The following DDX17 variants were observed in gnomAD, a reference collection of about 807,000 sequenced individuals.
DDX17 encodes DEAD-box helicase 17, also known as probable ATP-dependent RNA helicase DDX17.
In DDX17, 10 loss-of-function variants were observed where a neutral mutation model predicts 80.8. The ratio of observed to expected loss-of-function variants is 0.12; its 90% CI spans 0.08 to 0.21. DDX17 has a LOEUF of 0.21. Ranked by LOEUF, DDX17 falls within the 10% of genes least tolerant of loss-of-function variation. The pLI, the probability that DDX17 is intolerant of heterozygous loss-of-function variation, is 1.00. For missense variants in DDX17, 586 were observed against 957.4 expected (o/e 0.61, Z 5.12); for synonymous variants, 339 against 336.2 (o/e 1.01, Z -0.09).
chr22:38,485,993 C>T lies in DDX17; in HGVS notation c.2132G>A (p.Gly711Glu). The change falls in exon 13 of 13, where the codon GGG becomes GAG. Residue 711 changes from glycine (G) to glutamate (E), a missense_variant. Coordinates refer to ENST00000403230, the MANE Select transcript of DDX17 (RefSeq NM_006386.5). ...AGGAGGGTATTGGTAGGCAGTCTGC[C>T]CCATGTAACCTATCATATTGGTAGC... is the stretch of plus-strand genomic sequence containing the variant. 3 of 1,613,712 alleles carry T rather than the reference C, an allele frequency of 1.9e-6. No homozygotes were observed. Among genetic ancestry groups the T allele is most frequent in the Non-Finnish European group, 2.5e-6 (3 of 1,179,970 alleles).
chr22:38,499,529 A>C (rs773946797), intron 2 of DDX17, 30 bp from the exon 3 acceptor site: 15 of 1,511,184 alleles, frequency 9.9e-6, no homozygotes, highest in African/African-American at 1.4e-5. Context: ...GAAGTTAGTA[A>C]ACTAGTTATT....
At position 38,484,243 on chromosome 22, in the gene DDX17, AT is replaced by A. The variant is rs1388020294; in HGVS notation, c.*1691del. On this transcript the variant is annotated 3_prime_UTR_variant, in exon 13 of 13. Coordinates refer to ENST00000403230, the MANE Select transcript of DDX17 (RefSeq NM_006386.5). ...CTCCCTTGGCCTCAACTTCTGTAAG[AT>A]GGGGGGGGGACAAAAAGAGAAGTAA... 1 of 108,180 alleles carries A rather than the reference AT, an allele frequency of 9.2e-6. No individual in the cohort carries two copies. Among genetic ancestry groups the A allele is most frequent in the Non-Finnish European group, 2.0e-5 (1 of 50,296 alleles). 6.7% of individuals were successfully genotyped at this position (108,180 alleles called of 1,614,324 possible).
intron 10 of DDX17, among the ~76,000 whole-genome samples, chr22:38,492,464 C>A (rs1055468642): frequency 6.6e-6 from 1 of 152,050 alleles, no homozygotes; most frequent in Admixed American, 6.6e-5. Context: ...AATTTCCCCC[C>A]AAAAGGTATG....
rs897897846 is a variant in DDX17, at chr22:38,488,925, T to A, written c.1448-810A>T. ...GTCTACGTGACCTGGGAAATTAAAT[T>A]AATAGCCAAAGAACGTGGGAAAACC... On this transcript the variant is annotated intron_variant, in intron 11 of 12. Transcript: ENST00000403230. 3 of 985,268 alleles carry A rather than the reference T, an allele frequency of 3.0e-6. No homozygotes were observed. The African/African-American group carries it at 5.2e-5, about 17-fold the overall frequency. 61.0% of individuals were successfully genotyped at this position (985,268 alleles called of 1,614,324 possible). A position where few individuals can be genotyped will look rare whatever the true frequency, so the allele number is the denominator to read the frequency against.
intron 11 of DDX17, chr22:38,488,965 C>G (rs2089688514): frequency 1.0e-6 from 1 of 985,260 alleles, no homozygotes; most frequent in South Asian, 4.7e-5. Flanking sequence ...AACCTTGAGA[C>G]ACAAGTTTAG....
chr22:38,505,543 A>C, intron 1 of DDX17: 1 of 182,190 alleles, frequency 5.5e-6, no homozygotes. Context: ...TTCTCTCAGG[A>C]AGATCCGCGT....
Position 38,506,081 on chromosome 22 carries a change from C to G in DDX17, c.157G>C (p.Val53Leu). ...GCCTGCGGCTCCGGTCTGGTGACGA[C>G]CGATGGCGGCGGCGCCTCCGCTGTT... The change falls in exon 1 of 13, where the codon GTC becomes CTC. Residue 53 changes from valine to leucine, a missense_variant. Coordinates refer to ENST00000403230, the MANE Select transcript of DDX17 (RefSeq NM_006386.5). The G allele has an allele frequency of 6.3e-7, 1 of 1,580,256 alleles. No homozygotes were observed. The highest frequency in any genetic ancestry group is 8.6e-7 in the Non-Finnish European group (1 of 1,163,796).
rs1426605262 is a variant in DDX17 at position 38,501,427 on chromosome 22, AT to A, written c.288-148del. 5 of 1,008,494 alleles carry A rather than the reference AT, an allele frequency of 5.0e-6. No individual in the cohort carries two copies. In the East Asian group the frequency reaches 1.1e-4, roughly 23 times the overall value. 62.5% of individuals were successfully genotyped at this position (1,008,494 alleles called of 1,614,324 possible). A position where few individuals can be genotyped will look rare whatever the true frequency, so the allele number is the denominator to read the frequency against. On this transcript the variant is annotated intron_variant, in intron 1 of 12. Coordinates refer to ENST00000403230, the MANE Select transcript of DDX17 (RefSeq NM_006386.5). ...ATTTTATTTGCTGTGATTTAAAGGT[AT>A]GGAGAAATGTGTAAAACCTCCCTTA...
At position 38,483,891 on chromosome 22, in the gene DDX17, CATA is replaced by C. The variant is rs753163894; in HGVS notation, c.*2041_*2043del. 35 of 152,228 alleles carry C rather than the reference CATA, an allele frequency of 2.3e-4. No individual in the cohort carries two copies. Among genetic ancestry groups the C allele is most frequent in the Non-Finnish European group, 4.1e-4 (28 of 68,020 alleles). 9.4% of individuals were successfully genotyped at this position (152,228 alleles called of 1,614,324 possible). On this transcript the variant is annotated 3_prime_UTR_variant, in exon 13 of 13. Coordinates refer to ENST00000403230, the MANE Select transcript of DDX17 (RefSeq NM_006386.5). ...TGCTAGATTTCAGCTGTGCTCAGGC[CATA>C]ATAGTTTTTGAGGTTTGGAATTTAC...
At chr22:38,488,186 C>T in intron 11 of DDX17, 71 bp from the exon 12 acceptor site, 5 of 1,608,980 alleles carry the variant, frequency 3.1e-6, no homozygotes, top group Non-Finnish European at 4.3e-6. Context: ...GACATGCCAA[C>T]AACAGGTGGG....
Position 38,499,462 on chromosome 22 carries a change from G to A in DDX17, c.476C>T (p.Thr159Ile). The change falls in exon 3 of 13, where the codon ACA becomes ATA. Residue 159 changes from threonine (T) to isoleucine (I), a missense_variant. This residue lies in a region of DDX17 where 215 missense variants were observed against 238.4 expected (regional missense o/e 0.90). Transcript: ENST00000403230. ...AGGACAAACATCTCCCCCCCTCACT[G>A]TAATCTCCTTCTTTCGGCGTAGCTC... is the stretch of plus-strand genomic sequence containing the variant. The A allele has an allele frequency of 6.2e-7, 1 of 1,613,994 alleles. No individual in the cohort carries two copies. Among genetic ancestry groups the A allele is most frequent in the Non-Finnish European group, 8.5e-7 (1 of 1,179,936 alleles).
intron 1 of DDX17, 116 bp from the exon 2 acceptor site, chr22:38,501,396 A>C: frequency 1.6e-6 from 2 of 1,218,590 alleles, no homozygotes; most frequent in Non-Finnish European, 2.2e-6. Context: ...TACCTCCAAA[A>C]AGACCATTTT....
At position 38,495,931 on chromosome 22, in the gene DDX17, C is replaced by T; in HGVS notation, c.745G>A (p.Val249Ile). The change falls in exon 6 of 13, where the codon GTT becomes ATT. Residue 249 changes from valine to isoleucine, a missense_variant. Val to Ile is a conservative substitution (Grantham distance 29). Around this residue, in one of 4 missense-constraint regions of DDX17, gnomAD observed 141 missense variants for 379.3 expected, o/e 0.37. Coordinates refer to ENST00000403230, the MANE Select transcript of DDX17 (RefSeq NM_006386.5). Reference sequence around the variant, plus strand: ...GCAAGCTCTCTGGTAGGAGCCAGAACTAGACACTGAAACCAACAAAAAGAC... The same window carrying T: ...GCAAGCTCTCTGGTAGGAGCCAGAATTAGACACTGAAACCAACAAAAAGAC... 6.5e-7 allele frequency: 1 copy of T among 1,546,178 alleles called. No individual in the cohort carries two copies. The highest frequency in any genetic ancestry group is 1.2e-5 in the South Asian group (1 of 82,360).
rs560095354 is a variant in DDX17, at chr22:38,493,767, G to A, written c.1330C>T (p.Pro444Ser). 6.2e-7 allele frequency: 1 copy of A among 1,613,234 alleles called. No individual in the cohort carries two copies. Among genetic ancestry groups the A allele is most frequent in the Middle Eastern group, 1.7e-4 (1 of 6,058 alleles). Residue 444 changes from proline (P) to serine (S), a missense_variant, in exon 10 of 13, where the codon CCA (proline) becomes TCA (serine). Pro to Ser is a moderately conservative substitution (Grantham distance 74). Around this residue, in one of 4 missense-constraint regions of DDX17, gnomAD observed 141 missense variants for 379.3 expected, o/e 0.37. Transcript: ENST00000403230. ...TTGTCTCCATGGATACACATAGCTGGCCAACTATCAGAAGAAAAGTGACCA... is the reference window on the plus strand; with the variant it reads ...TTGTCTCCATGGATACACATAGCTGACCAACTATCAGAAGAAAAGTGACCA...
intron 6 of DDX17, among the ~76,000 whole-genome samples, chr22:38,495,332 G>C (rs113460184): frequency 7.0e-6 from 1 of 143,590 alleles, no homozygotes; most frequent in African/African-American, 2.6e-5. Context: ...TGCAAGCTCC[G>C]ACTCCCAGGT....
rs567670907 is a variant in DDX17, at chr22:38,505,789, G to A, written c.287+162C>T. 9.9e-6 allele frequency: 9 copies of A among 912,048 alleles called. No individual in the cohort carries two copies. In the East Asian group the frequency reaches 2.1e-4, roughly 21 times the overall value. 56.5% of individuals were successfully genotyped at this position (912,048 alleles called of 1,614,324 possible). A position where few individuals can be genotyped will look rare whatever the true frequency, so the allele number is the denominator to read the frequency against. On this transcript the variant is annotated intron_variant, in intron 1 of 12. Transcript: ENST00000403230. ...CCCTCCTCGGGTCCCGAGTGACCCC[G>A]GGGCCGAGGTCCGCGCACGAAACCG...
chr22:38,487,568 G>A (rs562851789), intron 12 of DDX17, among the ~76,000 whole-genome samples: 23 of 152,266 alleles, frequency 1.5e-4, no homozygotes, highest in African/African-American at 4.6e-4. Context: ...GCAATGAGCT[G>A]AGATCGCGCC....
chr22:38,498,795 C>A (rs1268807734), intron 3 of DDX17, among the ~76,000 whole-genome samples: 1 of 152,086 alleles, frequency 6.6e-6, no homozygotes, highest in Non-Finnish European at 1.5e-5. Context: ...GAGGCTGAGG[C>A]CAGTGGAGGC....
At position 38,484,821 on chromosome 22, in the gene DDX17, CAGA is replaced by C. The variant is rs2089638606; in HGVS notation, c.*1111_*1113del. 6.6e-6 allele frequency: 1 copy of C among 152,182 alleles called. No homozygotes were observed. The highest frequency in any genetic ancestry group is 2.1e-4 in the South Asian group (1 of 4,826). The allele number at this position is 152,182 out of a possible 1,614,324, so 9.4% of individuals were successfully genotyped here. Reference sequence around the variant, plus strand: ...AAGGATGCCGAAGAAAATCTGCACCCAGAAGCTGTTAGAAAGCACTGCAGAGAA... The same window carrying C: ...AAGGATGCCGAAGAAAATCTGCACCCAGCTGTTAGAAAGCACTGCAGAGAA... On this transcript the variant is annotated 3_prime_UTR_variant, in exon 13 of 13. Coordinates refer to ENST00000403230, the MANE Select transcript of DDX17 (RefSeq NM_006386.5).
Sources: gnomAD v4.1 joint callset for allele counts (sites outside exome capture counted in the v4.1 genomes callset) on GRCh38, gnomAD v4.1.1 for gene constraint, gnomAD v4.1.1 regional missense constraint, MANE v1.5 for transcripts, NCBI Gene and HGNC (gene_info 2026-07-23, HGNC 2026-07-21) for gene names.